CPM: variants seen among roughly 807,000 people sequenced by gnomAD.
CPM encodes the protein renal carboxypeptidase.
In CPM, 35 loss-of-function variants were observed where a neutral mutation model predicts 46.4. The ratio of observed to expected loss-of-function variants is 0.75; its 90% CI spans 0.58 to 1.00. CPM has a LOEUF of 1.00. Ranked by LOEUF, CPM falls within the 50% of genes least tolerant of loss-of-function variation. The pLI is 0.00. For synonymous variants in CPM, 195 were observed against 195.3 expected, an observed-to-expected ratio of 1.00 and a Z score of 0.01; for missense variants, 422 against 530.4, an observed-to-expected ratio of 0.80 and a Z score of 2.01.
In CPM at chr12:68,885,701, C is replaced by T. The variant is rs1592660851; in HGVS notation, c.258+91G>A. ...GTACAATGCATGCTGGAGACTTCTCCAGGCTTCCTCGGTAGCATTTATACA... is the reference window on the plus strand; with the variant it reads ...GTACAATGCATGCTGGAGACTTCTCTAGGCTTCCTCGGTAGCATTTATACA... On this transcript the variant is annotated intron_variant, in intron 3 of 8. Coordinates refer to ENST00000551568, the MANE Select transcript of CPM (RefSeq NM_198320.5). The T allele has an allele frequency of 7.6e-6, 8 of 1,052,622 alleles. No homozygotes were observed. The South Asian group carries it at 1.2e-4, about 15-fold the overall frequency. 65.2% of individuals were successfully genotyped at this position (1,052,622 alleles called of 1,614,324 possible).
intron 2 of CPM, among the ~76,000 whole-genome samples, chr12:68,912,224 C>T (rs140273906): frequency 1.3e-5 from 2 of 152,126 alleles, no homozygotes; most frequent in Non-Finnish European, 2.9e-5. Context: ...CCAGGCTGGT[C>T]GAACTCCTGA....
At chr12:68,958,533 A>ATAC (rs1719154916) in intron 1 of CPM, among the ~76,000 whole-genome samples, 1 of 151,972 alleles carries the variant, frequency 6.6e-6, no homozygotes, top group South Asian at 2.1e-4. Context: ...AACCAATGCA[A>ATAC]TACATCAGGA....
chr12:68,912,434 A>C (rs1247920494), intron 2 of CPM, among the ~76,000 whole-genome samples: 7 of 152,206 alleles, frequency 4.6e-5, no homozygotes, highest in Non-Finnish European at 1.5e-5. Context: ...AGTTTTAAAA[A>C]ATTAAGATGA....
At chr12:68,939,603 AT>A (rs1888729861) in intron 1 of CPM, among the ~76,000 whole-genome samples, 1 of 152,072 alleles carries the variant, frequency 6.6e-6, no homozygotes, top group Non-Finnish European at 1.5e-5. Flanking sequence ...TAACATTTGA[AT>A]TTACAGTTGT....
chr12:68,871,379 T>C (rs980451361), intron 4 of CPM, among the ~76,000 whole-genome samples: 5 of 152,086 alleles, frequency 3.3e-5, no homozygotes, highest in Non-Finnish European at 7.4e-5. Context: ...TGCCAGGTGA[T>C]GTGAGAGTTT....
At chr12:68,945,896 A>G (rs892713933) in intron 1 of CPM, among the ~76,000 whole-genome samples, 2 of 121,422 alleles carry the variant, frequency 1.6e-5, no homozygotes, top group Non-Finnish European at 3.1e-5. Flanking sequence ...TCTGTTGCCC[A>G]GGCTGGAGTG....
intron 2 of CPM, among the ~76,000 whole-genome samples, chr12:68,924,776 G>A (rs1313907829): frequency 6.6e-6 from 1 of 152,204 alleles, no homozygotes; most frequent in Non-Finnish European, 1.5e-5. Flanking sequence ...TGAGCAGAGT[G>A]TGACGGATGA....
At chr12:68,915,596 C>T (rs1053773959) in intron 2 of CPM, among the ~76,000 whole-genome samples, 2 of 152,324 alleles carry the variant, frequency 1.3e-5, no homozygotes, top group South Asian at 2.1e-4. Flanking sequence ...CCCTACACTG[C>T]ACTGTTGACT....
At chr12:68,872,394 A>G (rs1305178058) in intron 3 of CPM, among the ~76,000 whole-genome samples, 1 of 151,728 alleles carries the variant, frequency 6.6e-6, no homozygotes, top group East Asian at 1.9e-4. Flanking sequence ...CTGGGATTAC[A>G]GGCGTGTGCC....
intron 5 of CPM, chr12:68,844,130 A>C (rs1369052454): frequency 4.8e-6 from 1 of 207,996 alleles, no homozygotes; most frequent in Non-Finnish European, 9.8e-6. Context: ...AAATTGTCTG[A>C]TTTCTTAGGT....
chr12:68,875,093 G>A lies in CPM; in HGVS notation c.259-3137C>T, dbSNP rs535475868. On this transcript the variant is annotated intron_variant, in intron 3 of 8. Transcript: ENST00000551568. Reference sequence around the variant, plus strand: ...AGGCCGGGCACGGTGGCTCATGCCTGTAATCCAAGCACTTTGGGAGGCTGA... The same window carrying A: ...AGGCCGGGCACGGTGGCTCATGCCTATAATCCAAGCACTTTGGGAGGCTGA... Among the ~76,000 whole-genome samples, 14 of 152,176 alleles carry A rather than the reference G, an allele frequency of 9.2e-5. No homozygotes were observed. The East Asian group carries it at 2.7e-3, about 29-fold the overall frequency.
intron 2 of CPM, among the ~76,000 whole-genome samples, chr12:68,903,764 C>T (rs1479383674): frequency 2.0e-5 from 3 of 152,164 alleles, no homozygotes; most frequent in Non-Finnish European, 2.9e-5. Context: ...GAACGGATTT[C>T]GTGCACATAA....
downstream of CPM, chr12:68,849,267 TTC>T (rs1469912073): frequency 1.3e-5 from 2 of 151,508 alleles, no homozygotes; most frequent in Admixed American, 6.6e-5. Flanking sequence ...TTTTTGTATT[TTC>T]AGTAGAGACG....
At chr12:68,923,431 C>A (rs1888122674) in intron 2 of CPM, among the ~76,000 whole-genome samples, 1 of 152,028 alleles carries the variant, frequency 6.6e-6, no homozygotes, top group Non-Finnish European at 1.5e-5. Flanking sequence ...AACTAAGCAC[C>A]TTTTGGATGC....
intron 1 of CPM, among the ~76,000 whole-genome samples, chr12:68,962,478 C>G (rs572174854): frequency 6.6e-6 from 1 of 152,176 alleles, no homozygotes; most frequent in Non-Finnish European, 1.5e-5. Flanking sequence ...CCACGTGGGT[C>G]CTAGAAACCA....
At chr12:68,933,096 G>A (rs1388127478) in intron 1 of CPM, 46 bp downstream of exon 1, 4 of 382,802 alleles carry the variant, frequency 1.0e-5, no homozygotes, top group African/African-American at 6.4e-5. Context: ...TCCGCCGTCC[G>A]GCAGCTGCCA....
At chr12:68,873,876 G>A (rs1034961163) in intron 3 of CPM, among the ~76,000 whole-genome samples, 1 of 151,718 alleles carries the variant, frequency 6.6e-6, no homozygotes, top group Non-Finnish European at 1.5e-5. Context: ...CACCATGTTG[G>A]CTCACTACAA....
rs1884921002 is a variant in CPM, at chr12:68,855,438, G to A, written c.*999C>T. The A allele has an allele frequency of 6.6e-6, 1 of 152,266 alleles. No individual in the cohort carries two copies. Among genetic ancestry groups the A allele is most frequent in the South Asian group, 2.1e-4 (1 of 4,794 alleles). 9.4% of individuals were successfully genotyped at this position (152,266 alleles called of 1,614,324 possible). On this transcript the variant is annotated 3_prime_UTR_variant, in exon 9 of 9. Coordinates refer to ENST00000551568, the MANE Select transcript of CPM (RefSeq NM_198320.5). Reference sequence around the variant, plus strand: ...ACATCTTTGGAGTCATCAGCCTAATGGAGGACTGTGGCATCCAGGTGCCAA... The same window carrying A: ...ACATCTTTGGAGTCATCAGCCTAATAGAGGACTGTGGCATCCAGGTGCCAA...
chr12:68,932,297 C>A (rs946665890), intron 2 of CPM, among the ~76,000 whole-genome samples: 4 of 152,140 alleles, frequency 2.6e-5, no homozygotes, highest in Non-Finnish European at 5.9e-5. Context: ...CATTAACAGT[C>A]CAAGTCATAT....
Sources: gnomAD v4.1 joint callset for allele counts (sites outside exome capture counted in the v4.1 genomes callset) on GRCh38, gnomAD v4.1.1 for gene constraint, MANE v1.5 for transcripts, NCBI Gene and HGNC (gene_info 2026-07-23, HGNC 2026-07-21) for gene names.